The following ZMYND8 variants were observed in gnomAD, a reference collection of about 807,000 sequenced individuals.
ZMYND8 encodes MYND-type zinc finger-containing chromatin reader ZMYND8.
ZMYND8 carries 37 observed loss-of-function variants against 140.8 expected under a neutral mutation model. The ratio of observed to expected loss-of-function variants is 0.26; its 90% CI spans 0.20 to 0.35. ZMYND8 has a LOEUF of 0.35. Among genes scored for constraint, ZMYND8 ranks in the 10% least tolerant of loss-of-function variants. The pLI is 1.00. For synonymous variants in ZMYND8, 592 were observed against 597.1 expected, an observed-to-expected ratio of 0.99 and a Z score of 0.12; for missense variants, 1,068 against 1,570.0, an observed-to-expected ratio of 0.68 and a Z score of 5.40.
At chr20:47,332,970 G>C (rs1296448207) in intron 2 of ZMYND8, among the ~76,000 whole-genome samples, 1 of 152,150 alleles carries the variant, frequency 6.6e-6, no homozygotes, top group African/African-American at 2.4e-5. Flanking sequence ...GCATTATTCA[G>C]TCATAAAAGG....
chr20:47,305,743 C>A (rs1430089768), intron 3 of ZMYND8, among the ~76,000 whole-genome samples: 1 of 152,130 alleles, frequency 6.6e-6, no homozygotes, highest in Non-Finnish European at 1.5e-5. Context: ...CACCTAAGGC[C>A]ATTCTGTACA....
At chr20:47,314,927 G>A (rs890590767) in intron 2 of ZMYND8, among the ~76,000 whole-genome samples, 1 of 152,208 alleles carries the variant, frequency 6.6e-6, no homozygotes, top group Non-Finnish European at 1.5e-5. Flanking sequence ...TTAAAGACCA[G>A]ACAGTGCTCC....
chr20:47,335,114 G>C (rs1485677280), intron 2 of ZMYND8, among the ~76,000 whole-genome samples: 3 of 151,918 alleles, frequency 2.0e-5, no homozygotes, highest in Admixed American at 1.3e-4. Flanking sequence ...AGGGGTGGTA[G>C]TGCACACCTG....
At chr20:47,293,762 A>G (rs1016626888) in intron 5 of ZMYND8, among the ~76,000 whole-genome samples, 6 of 152,142 alleles carry the variant, frequency 3.9e-5, no homozygotes, top group Admixed American at 6.5e-5. Flanking sequence ...TCATTGCCCA[A>G]TTGATATGGT....
intron 2 of ZMYND8, among the ~76,000 whole-genome samples, chr20:47,340,560 G>A (rs1307060356): frequency 6.6e-6 from 1 of 151,966 alleles, no homozygotes; most frequent in Non-Finnish European, 1.5e-5. Context: ...TTGGGAGGCT[G>A]AGGCGAGCAG....
At chr20:47,273,048 AC>A (rs1427755508) in intron 11 of ZMYND8, among the ~76,000 whole-genome samples, 1 of 152,226 alleles carries the variant, frequency 6.6e-6, no homozygotes, top group Non-Finnish European at 1.5e-5. Context: ...GGGGACTTTC[AC>A]ACCTCCCTTA....
intron 21 of ZMYND8, 108 bp downstream of exon 21, chr20:47,220,150 G>C (rs974404940): frequency 2.3e-5 from 22 of 961,228 alleles, no homozygotes; most frequent in Non-Finnish European, 3.4e-5. Flanking sequence ...ATCCATAATC[G>C]TTTGGAAACC....
intron 2 of ZMYND8, among the ~76,000 whole-genome samples, chr20:47,334,607 T>TATATAG: frequency 7.4e-6 from 1 of 135,418 alleles, no homozygotes; most frequent in East Asian, 2.1e-4. Flanking sequence ...AAAAAAAAAA[T>TATATAG]ATATATATAT....
chr20:47,257,199 A>T (rs957545693), intron 12 of ZMYND8, among the ~76,000 whole-genome samples: 13 of 152,104 alleles, frequency 8.5e-5, no homozygotes, highest in African/African-American at 3.1e-4. Context: ...GTGAATTAGC[A>T]ACCTGGGCAA....
chr20:47,268,475 A>T (rs889170599), intron 11 of ZMYND8, among the ~76,000 whole-genome samples: 16 of 151,014 alleles, frequency 1.1e-4, no homozygotes, highest in African/African-American at 2.9e-4. Context: ...TTGTATTTTT[A>T]ATAGAGACGG....
intron 3 of ZMYND8, among the ~76,000 whole-genome samples, chr20:47,309,206 T>C (rs1465218011): frequency 6.6e-6 from 1 of 151,992 alleles, no homozygotes; most frequent in East Asian, 1.9e-4. Context: ...CAAGGGAGGG[T>C]GGGCTCTGGA....
chr20:47,312,776 C>T (rs187915446), intron 2 of ZMYND8, among the ~76,000 whole-genome samples: 3 of 143,982 alleles, frequency 2.1e-5, no homozygotes, highest in East Asian at 4.0e-4. Flanking sequence ...GGCGACAGAG[C>T]GAGACTCCGT....
chr20:47,234,353 T>C (rs987468954), intron 16 of ZMYND8, among the ~76,000 whole-genome samples: 3 of 152,200 alleles, frequency 2.0e-5, no homozygotes, highest in African/African-American at 7.2e-5. Flanking sequence ...CCAGCCTCCA[T>C]TGCTGATTTT....
intron 14 of ZMYND8, among the ~76,000 whole-genome samples, chr20:47,245,503 C>A (rs2040459540): frequency 6.6e-6 from 1 of 152,198 alleles, no homozygotes; most frequent in Non-Finnish European, 1.5e-5. Context: ...GCCTCGGCCT[C>A]CCCAAGTGCT....
intron 2 of ZMYND8, among the ~76,000 whole-genome samples, chr20:47,331,621 T>C (rs189835358): frequency 3.5e-4 from 54 of 152,274 alleles, no homozygotes; most frequent in African/African-American, 1.2e-3. Flanking sequence ...GGCCAAGCTT[T>C]CAGCAACTCC....
chr20:47,253,781 GCTACAGT>G (rs2074378754), intron 12 of ZMYND8, among the ~76,000 whole-genome samples: 1 of 152,220 alleles, frequency 6.6e-6, no homozygotes, highest in Non-Finnish European at 1.5e-5. Flanking sequence ...TACACGTATG[GCTACAGT>G]AAATGCGACC....
chr20:47,293,539 C>A (rs566097883), intron 5 of ZMYND8, among the ~76,000 whole-genome samples: 17 of 152,254 alleles, frequency 1.1e-4, no homozygotes, highest in Admixed American at 7.2e-4. Flanking sequence ...CAAATTCTCA[C>A]CCTCTACAGA....
At chr20:47,297,205 G>A (rs888380732) in intron 4 of ZMYND8, among the ~76,000 whole-genome samples, 8 of 152,132 alleles carry the variant, frequency 5.3e-5, no homozygotes, top group Non-Finnish European at 1.0e-4. Context: ...GCCGCCTTTT[G>A]CCATTTTAGA....
rs574165924 is a variant in ZMYND8 at position 47,227,310 on chromosome 20, A to G, written c.2938-29T>C. 8.1e-6 allele frequency: 13 copies of G among 1,611,768 alleles called. No homozygotes were observed. The Admixed American group carries it at 1.8e-4, about 23-fold the overall frequency. On this transcript the variant is annotated intron_variant, in intron 17 of 22. Transcript: ENST00000471951. Reference sequence around the variant, plus strand: ...GAAGAGGGAGAGTGAGCGTCTTCAAAAGCTGTCTCATGCAGTTCACCAGGA... The same window carrying G: ...GAAGAGGGAGAGTGAGCGTCTTCAAGAGCTGTCTCATGCAGTTCACCAGGA...
Sources: allele counts gnomAD v4.1 joint callset (sites outside exome capture counted in the v4.1 genomes callset), GRCh38; gene constraint gnomAD v4.1.1; transcripts MANE v1.5; gene names NCBI Gene and HGNC (gene_info 2026-07-23, HGNC 2026-07-21).